The following RASAL1 variants were observed in gnomAD, a reference collection of about 807,000 sequenced individuals.
RASAL1 encodes rasGAP-activating-like protein 1.
In RASAL1, 72 loss-of-function variants were observed where a neutral mutation model predicts 96.6. The observed-to-expected ratio is 0.75, with a 90% confidence interval of 0.62 to 0.91. The LOEUF (loss-of-function observed/expected upper bound fraction) is 0.91. RASAL1 is among the 40% of genes least tolerant of loss of function. The pLI is 0.00. For synonymous variants in RASAL1, 405 were observed against 430.4 expected, an observed-to-expected ratio of 0.94 and a Z score of 0.73; for missense variants, 1,016 against 1,072.5, an observed-to-expected ratio of 0.95 and a Z score of 0.74.
chr12:113,107,033 A>G lies in RASAL1; in HGVS notation c.1657+64T>C, dbSNP rs576425773. On this transcript the variant is annotated intron_variant, in intron 15 of 20. Transcript: ENST00000548055. The stretch of plus-strand genomic sequence containing the variant: ...CTGAGGAGCTGGAGGGGGAAAGGGG[A>G]AGTCCCTGAGTGGTGTCTCAACTGG... 1.2e-4 allele frequency: 183 copies of G among 1,500,914 alleles called. 3 individuals carry two copies. In the South Asian group the frequency reaches 2.2e-3, roughly 18 times the overall value. The allele number at this position is 1,500,914 out of a possible 1,614,324, so 93.0% of individuals were successfully genotyped here.
intron 3 of RASAL1, 68 bp downstream of exon 3, chr12:113,127,997 C>T (rs2305907): frequency 0.015 from 22,724 of 1,560,490 alleles, 405 homozygotes; most frequent in South Asian, 0.053. Flanking sequence ...GGACCCACAT[C>T]CCCTCTCCCC....
At chr12:113,113,336 G>A (rs1002978414) in intron 12 of RASAL1, among the ~76,000 whole-genome samples, 1 of 152,150 alleles carries the variant, frequency 6.6e-6, no homozygotes, top group Non-Finnish European at 1.5e-5. Context: ...TAAGAAAACT[G>A]AGGCTCAGAG....
At chr12:113,134,197 CAT>C (rs1315436680) in intron 1 of RASAL1, among the ~76,000 whole-genome samples, 1 of 152,202 alleles carries the variant, frequency 6.6e-6, no homozygotes, top group East Asian at 1.9e-4. Flanking sequence ...CTCTGCTTCT[CAT>C]TCAGGGTGTG....
intron 1 of RASAL1, among the ~76,000 whole-genome samples, chr12:113,131,429 C>G (rs1295170650): frequency 6.6e-6 from 1 of 152,112 alleles, no homozygotes. Flanking sequence ...GTCTGGCCCC[C>G]AGCTCTCCCC....
Position 113,135,709 on chromosome 12 carries a change from G to T in RASAL1, c.-247C>A, listed in dbSNP as rs1436776850. 2.4e-6 allele frequency: 1 copy of T among 412,544 alleles called. No individual in the cohort carries two copies. The highest frequency in any genetic ancestry group is 4.4e-6 in the Non-Finnish European group (1 of 229,880). The allele number at this position is 412,544 out of a possible 1,614,324, so 25.6% of individuals were successfully genotyped here. A position where few individuals can be genotyped will look rare whatever the true frequency, so the allele number is the denominator to read the frequency against. On this transcript the variant is annotated 5_prime_UTR_variant, in exon 1 of 21. Transcript: ENST00000548055. The surrounding 1 kb of genome is among the most constrained non-coding windows in gnomAD (Gnocchi z 5.7). The stretch of plus-strand genomic sequence containing the variant: ...CTCCGAGCAGGAGGAGCGCGCAGGG[G>T]GCGCAGCGGGCTCTTGCCGAGGCGT...
At position 113,117,181 on chromosome 12, in the gene RASAL1, G is replaced by C. The variant is rs760784820; in HGVS notation, c.643-20C>G. The stretch of plus-strand genomic sequence containing the variant: ...CTCCACCTTTTGAGAGAGACACACA[G>C]ACCCTCAGCCGGGCCCTGGCCTGCC... On this transcript the variant is annotated intron_variant, in intron 7 of 20. Transcript: ENST00000548055. 2.4e-5 allele frequency: 38 copies of C among 1,552,104 alleles called. No individual in the cohort carries two copies. Among genetic ancestry groups the C allele is most frequent in the Non-Finnish European group, 2.9e-5 (33 of 1,130,110 alleles).
At chr12:113,117,214 G>A (rs1242354794) in intron 7 of RASAL1, 53 bp from the exon 8 acceptor site, 1 of 1,388,750 alleles carries the variant, frequency 7.2e-7, no homozygotes, top group Non-Finnish European at 1.0e-6. Context: ...GCCCTGCCCT[G>A]CCTGGCTCAG....
intron 4 of RASAL1, among the ~76,000 whole-genome samples, chr12:113,125,340 A>G (rs1951441504): frequency 6.6e-6 from 1 of 152,188 alleles, no homozygotes; most frequent in Non-Finnish European, 1.5e-5. Context: ...GAGAAAAAAT[A>G]TTGCAGCTAA....
upstream of RASAL1, chr12:113,136,204 T>A (rs1951909344): frequency 6.6e-6 from 1 of 152,008 alleles, no homozygotes; most frequent in Non-Finnish European, 1.5e-5. Context: ...GCCTTGAACA[T>A]CCCCTTCCAT....
rs775567886 is a variant in RASAL1 at position 113,114,952 on chromosome 12, G to A, written c.1069-40C>T. 1.0e-5 allele frequency: 15 copies of A among 1,501,990 alleles called. No individual in the cohort carries two copies. In the East Asian group the frequency reaches 1.1e-4, roughly 11 times the overall value. The allele number at this position is 1,501,990 out of a possible 1,614,324, so 93.0% of individuals were successfully genotyped here. Reference sequence around the variant, plus strand: ...CACCACACGGGGTGGGGCTGAGGGCGAGGCCGGGGCATGCCCATGAGCTGG... The same window carrying A: ...CACCACACGGGGTGGGGCTGAGGGCAAGGCCGGGGCATGCCCATGAGCTGG... On this transcript the variant is annotated intron_variant, in intron 11 of 20. Transcript: ENST00000548055.
At chr12:113,128,431 AAC>A (rs1037279113) in intron 2 of RASAL1, among the ~76,000 whole-genome samples, 1 of 150,880 alleles carries the variant, frequency 6.6e-6, no homozygotes, top group African/African-American at 2.4e-5. Flanking sequence ...CAGGCATAGA[AAC>A]ACACACAGAC....
rs764516158 is a variant in RASAL1 at position 113,108,137 on chromosome 12, C to T, written c.1460G>A (p.Arg487Gln). Residue 487 changes from arginine to glutamine, a missense_variant, in exon 14 of 21, where the codon CGG (arginine) becomes CAG (glutamine). Arg to Gln is a conservative substitution (Grantham distance 43). Coordinates refer to ENST00000548055, the MANE Select transcript of RASAL1 (RefSeq NM_001301202.2). ...AILTPKLFDL[R>Q]DQHADPQTSR... ...AGTCTGGGGGTCCGCGTGTTGGTCC[C>T]GAAGGTCAAACAGCTTTGGGGTAAG... The T allele has an allele frequency of 1.9e-5, 31 of 1,613,660 alleles. No individual in the cohort carries two copies. Among genetic ancestry groups the T allele is most frequent in the Middle Eastern group, 1.7e-4 (1 of 6,060 alleles).
At chr12:113,111,891 C>T (rs553870701) in intron 13 of RASAL1, among the ~76,000 whole-genome samples, 195 bp downstream of exon 13, 86 of 152,278 alleles carry the variant, frequency 5.6e-4, no homozygotes, top group African/African-American at 1.9e-3. Flanking sequence ...TGAGCCACTG[C>T]GCCCGGCCTA....
At chr12:113,112,836 C>G (rs1191718606) in intron 12 of RASAL1, among the ~76,000 whole-genome samples, 2 of 152,150 alleles carry the variant, frequency 1.3e-5, no homozygotes, top group Admixed American at 6.5e-5. Context: ...CCTATAATCT[C>G]AGCTACTTGG....
rs1029584448 is a variant in RASAL1 at position 113,117,067 on chromosome 12, AT to A, written c.731+5del. On this transcript the variant is annotated splice_donor_5th_base_variant and intron_variant, in intron 8 of 20. Coordinates refer to ENST00000548055, the MANE Select transcript of RASAL1 (RefSeq NM_001301202.2). The stretch of plus-strand genomic sequence containing the variant: ...CCTGGCCCCCTCCCTCTGCACCCAC[AT>A]TTACCCAGAATCCTCCTCGGCTCTG... The A allele has an allele frequency of 1.3e-6, 2 of 1,591,670 alleles. No homozygotes were observed. Among genetic ancestry groups the A allele is most frequent in the African/African-American group, 2.7e-5 (2 of 74,314 alleles).
intron 18 of RASAL1, among the ~76,000 whole-genome samples, chr12:113,103,563 G>A (rs1346273084): frequency 2.6e-5 from 4 of 151,444 alleles, no homozygotes; most frequent in Non-Finnish European, 5.9e-5. Flanking sequence ...CCGAGGTTGT[G>A]CCACTGCACT....
chr12:113,101,109 C>T (rs1012458547), intron 19 of RASAL1, among the ~76,000 whole-genome samples: 1 of 152,172 alleles, frequency 6.6e-6, no homozygotes, highest in Middle Eastern at 3.2e-3. Flanking sequence ...CCATTATTAT[C>T]CCCCTTTTCC....
chr12:113,099,837 G>C lies in RASAL1; in HGVS notation c.*92C>G. On this transcript the variant is annotated 3_prime_UTR_variant, in exon 21 of 21. Transcript: ENST00000548055. ...AGCCTCCAAACCACAGAATCAAAGA[G>C]GTCCAAGGAGACAGGAGACTCCCGG... The C allele has an allele frequency of 6.6e-7, 1 of 1,503,884 alleles. No homozygotes were observed. The highest frequency in any genetic ancestry group is 9.0e-7 in the Non-Finnish European group (1 of 1,116,746). The allele number at this position is 1,503,884 out of a possible 1,614,324, so 93.2% of individuals were successfully genotyped here.
intron 4 of RASAL1, 25 bp downstream of exon 4, chr12:113,127,787 C>T: frequency 6.3e-7 from 1 of 1,598,356 alleles, no homozygotes. Flanking sequence ...GCCCCCTCCT[C>T]CCTCTGCCCA....
Sources: allele counts gnomAD v4.1 joint callset (sites outside exome capture counted in the v4.1 genomes callset), GRCh38; gene constraint gnomAD v4.1.1; non-coding constraint Gnocchi (gnomAD v3.1); transcripts MANE v1.5; gene names NCBI Gene and HGNC (gene_info 2026-07-23, HGNC 2026-07-21).